Variants in POMK observed in about 807,000 individuals in gnomAD.
The protein encoded by POMK is protein O-mannose kinase.
Under a neutral mutation model 23.0 loss-of-function variants are expected in POMK, and 19 were observed. The ratio of observed to expected loss-of-function variants is 0.83; its 90% confidence interval spans 0.58 to 1.21. POMK has a LOEUF of 1.21. Ranked by LOEUF, POMK falls within the 50% of genes most tolerant of loss-of-function variation. The probability of loss-of-function intolerance (pLI) is 0.00; values close to 1 mark genes in which losing one functional copy is unlikely to be tolerated. For missense variants in POMK, 410 were observed against 431.3 expected (o/e 0.95, Z 0.44); for synonymous variants, 173 against 171.6 (o/e 1.01, Z -0.06).
intron 4 of POMK, among the ~76,000 whole-genome samples, chr8:43,114,814 C>T (rs1811760294): frequency 6.6e-6 from 1 of 152,196 alleles, no homozygotes; most frequent in Non-Finnish European, 1.5e-5. Context: ...GTTGTGCACT[C>T]TCCCAGTCAT....
chr8:43,104,172 G>C (rs1811503343), intron 4 of POMK, among the ~76,000 whole-genome samples: 1 of 151,966 alleles, frequency 6.6e-6, no homozygotes, highest in Non-Finnish European at 1.5e-5. Flanking sequence ...ACCCAGGCTG[G>C]AGTGCAATGG....
rs1303575797 is a variant in POMK at position 43,103,894 on chromosome 8, G to C, written c.282+64G>C. ...ATTTCGCTTAACACAGTGTCCTCCAGCTCCATCCATGCTGGCACGGATTAC... is the reference window on the plus strand; with the variant it reads ...ATTTCGCTTAACACAGTGTCCTCCACCTCCATCCATGCTGGCACGGATTAC... On this transcript the variant is annotated intron_variant, in intron 4 of 4. Coordinates refer to ENST00000331373, the MANE Select transcript of POMK (RefSeq NM_032237.5). 3.9e-6 allele frequency: 6 copies of C among 1,519,792 alleles called. No individual in the cohort carries two copies. In the Admixed American group the frequency reaches 1.1e-4, roughly 27 times the overall value. The allele number at this position is 1,519,792 out of a possible 1,614,324, so 94.1% of individuals were successfully genotyped here. A position where few individuals can be genotyped will look rare whatever the true frequency, so the allele number is the denominator to read the frequency against.
chr8:43,122,569 C>A lies in POMK; in HGVS notation c.745C>A (p.Leu249Met), dbSNP rs2130627298. ...GCTGGTGAAGTGCGGCCACAGGGAG[C>A]TGCATGGGGATTTCGTGGCTCCAGA... ...GMLVKCGHRE[L>M]HGDFVAPEQL... Residue 249 changes from leucine (L) to methionine (M), a missense_variant, in exon 5 of 5, where the codon CTG becomes ATG. Leu to Met is a conservative substitution (Grantham distance 15, BLOSUM62 2). Transcript: ENST00000331373. 6.2e-7 allele frequency: 1 copy of A among 1,614,220 alleles called. No homozygotes were observed. The highest frequency in any genetic ancestry group is 1.7e-5 in the Admixed American group (1 of 60,024).
intron 4 of POMK, among the ~76,000 whole-genome samples, chr8:43,111,243 G>A (rs778656464): frequency 1.2e-4 from 18 of 152,158 alleles, no homozygotes; most frequent in Non-Finnish European, 2.5e-4. Context: ...CTTTTCCAGC[G>A]AGCTCAACAA....
intron 4 of POMK, among the ~76,000 whole-genome samples, 184 bp from the exon 5 acceptor site, chr8:43,121,923 A>G (rs1220562863): frequency 6.6e-6 from 1 of 152,234 alleles, no homozygotes; most frequent in East Asian, 1.9e-4. Flanking sequence ...GCCTTGCTGA[A>G]TGCTGTGTTT....
intron 4 of POMK, among the ~76,000 whole-genome samples, chr8:43,104,163 C>T (rs1811503235): frequency 6.6e-6 from 1 of 151,906 alleles, no homozygotes; most frequent in Non-Finnish European, 1.5e-5. Flanking sequence ...CGCTCTGTCA[C>T]CCAGGCTGGA....
At chr8:43,119,433 CTTTT>C (rs907663234) in intron 4 of POMK, among the ~76,000 whole-genome samples, 1 of 95,986 alleles carries the variant, frequency 1.0e-5, no homozygotes, top group East Asian at 3.1e-4. Context: ...TGAAAAACAG[CTTTT>C]TTTTTTTTTT....
At chr8:43,102,440 C>T (rs548728557) in intron 2 of POMK, 65 bp from the exon 3 acceptor site, 1 of 152,700 alleles carries the variant, frequency 6.5e-6, no homozygotes, top group African/African-American at 2.4e-5. Flanking sequence ...TGGACTATGG[C>T]GATTTGTCTG....
chr8:43,096,381 G>A (rs770133903), intron 1 of POMK, among the ~76,000 whole-genome samples: 59 of 149,318 alleles, frequency 4.0e-4, no homozygotes, highest in Non-Finnish European at 6.1e-4. Flanking sequence ...TCCCTGCATG[G>A]GCCGGACATG....
rs1407416038 is a variant in POMK, at chr8:43,123,315, C to T, written c.*438C>T. The T allele has an allele frequency of 6.4e-6, 1 of 156,466 alleles. No individual in the cohort carries two copies. The highest frequency in any genetic ancestry group is 2.4e-5 in the African/African-American group (1 of 41,508). The allele number at this position is 156,466 out of a possible 1,614,324, so 9.7% of individuals were successfully genotyped here. ...TCGGCCTCCCAAAGTGTTGGGATTA[C>T]AGGCATGGGCCACTATGCCTGGCCA... On this transcript the variant is annotated 3_prime_UTR_variant, in exon 5 of 5. Transcript: ENST00000331373.
At chr8:43,114,530 A>G (rs1356838782) in intron 4 of POMK, among the ~76,000 whole-genome samples, 3 of 152,212 alleles carry the variant, frequency 2.0e-5, no homozygotes, top group Admixed American at 2.0e-4. Context: ...TTCTTTGACT[A>G]GGAAAGGGAA....
intron 4 of POMK, among the ~76,000 whole-genome samples, chr8:43,118,753 A>G (rs1811851441): frequency 6.6e-6 from 1 of 152,246 alleles, no homozygotes; most frequent in African/African-American, 2.4e-5. Flanking sequence ...ATGAGACACA[A>G]ATGAGGGATC....
At chr8:43,103,346 T>C (rs1027891072) in intron 3 of POMK, among the ~76,000 whole-genome samples, 182 bp from the exon 4 acceptor site, 2 of 152,154 alleles carry the variant, frequency 1.3e-5, no homozygotes, top group Non-Finnish European at 2.9e-5. Flanking sequence ...AAAGTAATGA[T>C]TATGGAAACA....
Position 43,100,819 on chromosome 8 carries a change from G to A in POMK, c.-117-1686G>A, listed in dbSNP as rs569027990. On this transcript the variant is annotated intron_variant, in intron 2 of 4. Coordinates refer to ENST00000331373, the MANE Select transcript of POMK (RefSeq NM_032237.5). ...GTGGTGCGGGAAGGGTCTTGGTACC[G>A]TCAGAGGCCCGGTGCGCTAAGGGTC... 1.3e-3 allele frequency among the ~76,000 whole-genome samples: 195 copies of A among 152,082 alleles called. 3 individuals are homozygous for A. In the South Asian group the frequency reaches 0.038, roughly 29 times the overall value.
chr8:43,122,407 A>G lies in POMK; in HGVS notation c.583A>G (p.Ser195Gly). 1.9e-6 allele frequency: 3 copies of G among 1,614,230 alleles called. No homozygotes were observed. Among genetic ancestry groups the G allele is most frequent in the Non-Finnish European group, 2.5e-6 (3 of 1,180,040 alleles). The change falls in exon 5 of 5, where the codon AGC becomes GGC. Residue 195 changes from serine (S) to glycine (G), a missense_variant. By Grantham distance (56) the Ser-to-Gly change is moderately conservative. Transcript: ENST00000331373. ...YVSIINYLHH[S>G]PVGTRVMCDS... ...CAGCATCATTAATTACCTGCACCAC[A>G]GCCCTGTGGGCACACGGGTCATGTG...
In POMK at chr8:43,122,484, C is replaced by T. The variant is rs1422133398; in HGVS notation, c.660C>T (p.Asn220=). ...TGTCCCAGTATCTGCTAACAAGCAA[C>T]TTCAGCATTTTGGCAAATGACTTGG... is the stretch of plus-strand genomic sequence containing the variant. The part of the protein sequence containing the change: ...KTLSQYLLTS[N]FSILANDLDA... Residue 220 remains asparagine, a synonymous_variant, in exon 5 of 5, where the codon AAC becomes AAT. Transcript: ENST00000331373. 3.7e-6 allele frequency: 6 copies of T among 1,614,196 alleles called. No homozygotes were observed. The highest frequency in any genetic ancestry group is 5.1e-6 in the Non-Finnish European group (6 of 1,180,036).
At chr8:43,100,458 T>G (rs1024544720) in intron 2 of POMK, among the ~76,000 whole-genome samples, 1 of 151,742 alleles carries the variant, frequency 6.6e-6, no homozygotes, top group Non-Finnish European at 1.5e-5. Context: ...TGTGTGCTAA[T>G]AGGCCTCTGA....
chr8:43,107,391 C>G (rs192798134), intron 4 of POMK, among the ~76,000 whole-genome samples: 18 of 151,436 alleles, frequency 1.2e-4, no homozygotes, highest in Middle Eastern at 3.4e-3. Flanking sequence ...CTTTTTTTTT[C>G]CGAGATGGAG....
chr8:43,096,012 A>G (rs911388864), intron 1 of POMK, among the ~76,000 whole-genome samples: 1 of 151,992 alleles, frequency 6.6e-6, no homozygotes, highest in African/African-American at 2.4e-5. Flanking sequence ...CAGGAGAGGG[A>G]AAGCAGCCTG....
Sources: gnomAD v4.1 joint callset for allele counts (sites outside exome capture counted in the v4.1 genomes callset) on GRCh38, gnomAD v4.1.1 for gene constraint, MANE v1.5 for transcripts, NCBI Gene and HGNC (gene_info 2026-07-23, HGNC 2026-07-21) for gene names.